The following LAMP3 variants were observed in gnomAD, a reference collection of about 807,000 sequenced individuals.
The protein encoded by LAMP3 is lysosome-associated membrane glycoprotein 3.
Under a neutral mutation model 34.8 loss-of-function variants are expected in LAMP3, and 26 were observed. The observed-to-expected ratio is 0.75, with a 90% CI of 0.55 to 1.04. The LOEUF is 1.04. LAMP3 is among the 50% of genes least tolerant of loss of function. LAMP3 has a pLI of 0.00. For missense variants in LAMP3, 495 were observed against 524.0 expected, an observed-to-expected ratio of 0.94 and a Z score of 0.54; for synonymous variants, 180 against 201.9, an observed-to-expected ratio of 0.89 and a Z score of 0.92.
intron 4 of LAMP3, among the ~76,000 whole-genome samples, chr3:183,140,016 A>G (rs1371666223): frequency 1.3e-5 from 2 of 152,216 alleles, no homozygotes; most frequent in Non-Finnish European, 2.9e-5. Flanking sequence ...AATCTAGTCC[A>G]GCCTCCTTTA....
At chr3:183,159,601 G>T (rs910489661) in intron 1 of LAMP3, among the ~76,000 whole-genome samples, 1 of 152,206 alleles carries the variant, frequency 6.6e-6, no homozygotes. Context: ...CCCCAGCAGG[G>T]TGCAGCAGAG....
chr3:183,152,635 G>A, intron 2 of LAMP3, 132 bp from the exon 3 acceptor site: 1 of 725,882 alleles, frequency 1.4e-6, no homozygotes, highest in Non-Finnish European at 2.2e-6. Flanking sequence ...AAAGTCCCCA[G>A]ACAACACCTC....
intron 3 of LAMP3, among the ~76,000 whole-genome samples, chr3:183,151,432 T>C (rs1270405296): frequency 6.8e-6 from 1 of 146,864 alleles, no homozygotes; most frequent in Non-Finnish European, 1.5e-5. Context: ...CTCTTTTTTT[T>C]TTTTTTTTTT....
At chr3:183,135,361 C>T (rs1422688196) in intron 5 of LAMP3, among the ~76,000 whole-genome samples, 2 of 152,206 alleles carry the variant, frequency 1.3e-5, no homozygotes, top group East Asian at 3.9e-4. Flanking sequence ...TACTGATACT[C>T]AGGATCTTTA....
At chr3:183,138,993 G>A (rs111767301) in intron 4 of LAMP3, among the ~76,000 whole-genome samples, 88 of 152,196 alleles carry the variant, frequency 5.8e-4, no homozygotes, top group South Asian at 1.7e-3. Flanking sequence ...CAAACTTCAC[G>A]TCTTCAGAGA....
chr3:183,161,129 C>T (rs1026329797), intron 1 of LAMP3, among the ~76,000 whole-genome samples: 5 of 152,290 alleles, frequency 3.3e-5, no homozygotes, highest in African/African-American at 1.2e-4. Context: ...GGATATTATT[C>T]TCCCCATTTT....
rs774485478 is a variant in LAMP3 at position 183,135,667 on chromosome 3, C to T, written c.1117+50G>A. Reference sequence around the variant, plus strand: ...CAGACAGAAAACACTTTGGATCTACCCTGGGGTCTCTAAAGTGTATGTTTG... The same window carrying T: ...CAGACAGAAAACACTTTGGATCTACTCTGGGGTCTCTAAAGTGTATGTTTG... On this transcript the variant is annotated intron_variant, in intron 5 of 5. Transcript: ENST00000265598. 7 of 1,547,470 alleles carry T rather than the reference C, an allele frequency of 4.5e-6. No homozygotes were observed. The African/African-American group carries it at 5.4e-5, about 12-fold the overall frequency.
chr3:183,155,334 T>C (rs1373696822), intron 1 of LAMP3, among the ~76,000 whole-genome samples: 1 of 152,252 alleles, frequency 6.6e-6, no homozygotes, highest in Non-Finnish European at 1.5e-5. Flanking sequence ...TTCCATTTTT[T>C]ATCTTGTCAC....
rs924475748 is a variant in LAMP3, at chr3:183,162,650, G to C, written c.6C>G (p.Pro2=). Residue 2 remains proline (P), a synonymous_variant, in exon 1 of 6, where the codon CCC becomes CCG. Coordinates refer to ENST00000265598, the MANE Select transcript of LAMP3 (RefSeq NM_014398.4). Reference sequence around the variant, plus strand: ...GCGCGGCCGCCGCGCTGAGCTGCCGGGGCATGGTGGGCGCTGGGCGAGGTT... The same window carrying C: ...GCGCGGCCGCCGCGCTGAGCTGCCGCGGCATGGTGGGCGCTGGGCGAGGTT... M[P]RQLSAAAALF... 3 of 1,539,786 alleles carry C rather than the reference G, an allele frequency of 1.9e-6. No individual in the cohort carries two copies. Among genetic ancestry groups the C allele is most frequent in the African/African-American group, 2.8e-5 (2 of 72,584 alleles).
intron 3 of LAMP3, among the ~76,000 whole-genome samples, chr3:183,148,833 A>G (rs947640921): frequency 6.6e-6 from 1 of 152,244 alleles, no homozygotes; most frequent in African/African-American, 2.4e-5. Flanking sequence ...TTGCAATCCA[A>G]CTGCTAGATA....
chr3:183,141,651 T>C (rs1720287799), intron 3 of LAMP3, among the ~76,000 whole-genome samples: 1 of 152,202 alleles, frequency 6.6e-6, no homozygotes, highest in South Asian at 2.1e-4. Context: ...GTGGATAAAA[T>C]GTTGATTCAT....
intron 1 of LAMP3, among the ~76,000 whole-genome samples, chr3:183,158,998 A>G (rs917552203): frequency 2.6e-5 from 4 of 151,986 alleles, no homozygotes; most frequent in African/African-American, 4.8e-5. Context: ...TCCTGGGTTC[A>G]AGCGATCCTC....
At chr3:183,161,112 T>C (rs759536616) in intron 1 of LAMP3, 1 of 152,216 alleles carries the variant, frequency 6.6e-6, no homozygotes, top group Non-Finnish European at 1.5e-5. Flanking sequence ...CCAGTACTCC[T>C]AGCAGAGGAT....
chr3:183,135,686 A>G (rs1471502682), intron 5 of LAMP3, 31 bp downstream of exon 5: 1 of 1,606,098 alleles, frequency 6.2e-7, no homozygotes, highest in African/African-American at 1.3e-5. Context: ...TCTAAAGTGT[A>G]TGTTTGCAAC....
intron 5 of LAMP3, among the ~76,000 whole-genome samples, chr3:183,129,900 G>A (rs1719866543): frequency 6.6e-6 from 1 of 152,098 alleles, no homozygotes; most frequent in African/African-American, 2.4e-5. Context: ...ATTAGGGTGG[G>A]CCTCTATCCA....
chr3:183,145,186 C>A (rs1212317002), intron 3 of LAMP3, among the ~76,000 whole-genome samples: 1 of 152,120 alleles, frequency 6.6e-6, no homozygotes, highest in Non-Finnish European at 1.5e-5. Flanking sequence ...TGATCTTGAA[C>A]TGGAAGGGTC....
intron 4 of LAMP3, among the ~76,000 whole-genome samples, chr3:183,138,673 C>T (rs745589628): frequency 9.2e-5 from 14 of 152,128 alleles, no homozygotes; most frequent in Non-Finnish European, 1.5e-4. Context: ...CCAAAGTGAA[C>T]CTTTATAAAT....
At chr3:183,137,505 C>T (rs756921792) in intron 4 of LAMP3, among the ~76,000 whole-genome samples, 7 of 152,078 alleles carry the variant, frequency 4.6e-5, no homozygotes, top group South Asian at 2.1e-4. Flanking sequence ...AATAGTCCCA[C>T]GATGAATTAA....
chr3:183,149,610 T>TAC (rs568430015), intron 3 of LAMP3, among the ~76,000 whole-genome samples: 2,146 of 127,138 alleles, frequency 0.017, 48 homozygotes, highest in African/African-American at 0.052. Context: ...TATATATGTA[T>TAC]ACACACACAC....
Sources: allele counts gnomAD v4.1 joint callset (sites outside exome capture counted in the v4.1 genomes callset), GRCh38; gene constraint gnomAD v4.1.1; transcripts MANE v1.5; gene names NCBI Gene and HGNC (gene_info 2026-07-23, HGNC 2026-07-21).